OOSP4A: variants seen among roughly 807,000 people sequenced by gnomAD.
OOSP4A encodes the protein oocyte secreted protein family member 4A.
chr11:59,968,597 C>A (rs1247433588), intron 3 of OOSP4A, among the ~76,000 whole-genome samples: 1 of 152,104 alleles, frequency 6.6e-6, no homozygotes, highest in Non-Finnish European at 1.5e-5. Flanking sequence ...GAGAATATGC[C>A]CTTTCTGTCC....
chr11:59,964,647 A>G (rs1854078895), intron 1 of OOSP4A, among the ~76,000 whole-genome samples: 1 of 152,208 alleles, frequency 6.6e-6, no homozygotes, highest in Non-Finnish European at 1.5e-5. Context: ...TGGGATAATA[A>G]TAAAATTGAC....
intron 3 of OOSP4A, among the ~76,000 whole-genome samples, chr11:59,968,491 C>A (rs988048790): frequency 6.6e-6 from 1 of 152,200 alleles, no homozygotes; most frequent in Non-Finnish European, 1.5e-5. Flanking sequence ...GTCCCCTCTC[C>A]AGTTCACAGG....
chr11:59,969,909 A>G (rs1371584075), intron 4 of OOSP4A, 140 bp from the exon 5 acceptor site: 8 of 390,088 alleles, frequency 2.1e-5, no homozygotes, highest in Non-Finnish European at 3.6e-5. Context: ...TACTTGAATC[A>G]TTAGAATATT....
chr11:59,969,167 T>C (rs919099817), exon 4 of OOSP4A: 4 of 398,702 alleles, frequency 1.0e-5, no homozygotes, highest in East Asian at 3.6e-5. Context: ...CCAATAATCT[T>C]AGTAATGAGA....
At position 59,969,566 on chromosome 11, in the gene OOSP4A, A is replaced by G. The variant is rs991539301; in HGVS notation, c.479+282A>G. Among the ~76,000 whole-genome samples the G allele has an allele frequency of 3.3e-5, 5 of 152,226 alleles. No individual in the cohort carries two copies. The East Asian group carries it at 5.8e-4, about 18-fold the overall frequency. On this transcript the variant is annotated intron_variant, in intron 4 of 4. Coordinates refer to ENST00000645590, the Ensembl canonical transcript of OOSP4A. ...TAGAGAAAAACCATCTTTGGTGCAT[A>G]TAAGTATGGAATGGGATCATGGATT... is the stretch of plus-strand genomic sequence containing the variant.
intron 1 of OOSP4A, among the ~76,000 whole-genome samples, chr11:59,964,328 T>C (rs1177897852): frequency 1.3e-5 from 2 of 152,108 alleles, no homozygotes; most frequent in Non-Finnish European, 2.9e-5. Context: ...TGTTGTTTTT[T>C]ATTTTTTTTT....
At chr11:59,967,113 C>A (rs1409879640) in exon 3 of OOSP4A, 2 of 397,776 alleles carry the variant, frequency 5.0e-6, no homozygotes, top group East Asian at 3.6e-5. Context: ...GTATATGAAC[C>A]AACGAATTTT....
intron 3 of OOSP4A, 135 bp downstream of exon 3, chr11:59,967,299 G>A (rs912771425): frequency 2.0e-5 from 8 of 392,312 alleles, no homozygotes; most frequent in Admixed American, 4.4e-5. Flanking sequence ...TGTTCTGTTG[G>A]TCATGTGAGT....
rs571636687 is a variant in OOSP4A at position 59,969,141 on chromosome 11, C to G, written c.345-9C>G. 9.0e-5 allele frequency: 36 copies of G among 398,406 alleles called. No homozygotes were observed. The highest frequency in any genetic ancestry group is 6.6e-4 in the African/African-American group (32 of 48,672). The allele number at this position is 398,406 out of a possible 1,614,324, so 24.7% of individuals were successfully genotyped here. On this transcript the variant is annotated splice_polypyrimidine_tract_variant and intron_variant, in intron 3 of 4. Coordinates refer to ENST00000645590, the Ensembl canonical transcript of OOSP4A. The stretch of plus-strand genomic sequence containing the variant: ...ACAAAGCTTAAATATATTTTTTTCT[C>G]TTTTTCAGAAGGTTTCCAATAATCT...
At chr11:59,965,867 G>A (rs1854093395) in intron 2 of OOSP4A, among the ~76,000 whole-genome samples, 154 bp downstream of exon 2, 1 of 152,126 alleles carries the variant, frequency 6.6e-6, no homozygotes, top group African/African-American at 2.4e-5. Flanking sequence ...TTTGGATGTT[G>A]CTTCTATCTG....
chr11:59,965,587 G>A lies in OOSP4A; in HGVS notation c.120G>A (p.Pro40=), dbSNP rs1314852474. The A allele has an allele frequency of 3.5e-5, 14 of 398,482 alleles. No individual in the cohort carries two copies. In the South Asian group the frequency reaches 1.0e-3, roughly 29 times the overall value. The allele number at this position is 398,482 out of a possible 1,614,324, so 24.7% of individuals were successfully genotyped here. ...TCCAGGTCAAACTTAGACGAACGCC[G>A]CTGTTAAATGACCTGCAACCTTTGC... is the stretch of plus-strand genomic sequence containing the variant. The change falls in exon 2 of 5, where the codon CCG becomes CCA. Residue 40 remains proline (P), a synonymous_variant. Coordinates refer to ENST00000645590, the Ensembl canonical transcript of OOSP4A.
intron 3 of OOSP4A, among the ~76,000 whole-genome samples, chr11:59,967,977 T>C (rs1854118295): frequency 6.6e-6 from 1 of 152,180 alleles, no homozygotes; most frequent in Non-Finnish European, 1.5e-5. Flanking sequence ...CTACTTTTCT[T>C]ATTCATTAAC....
chr11:59,966,955 A>G (rs912716096), intron 2 of OOSP4A, 112 bp from the exon 3 acceptor site: 13 of 384,576 alleles, frequency 3.4e-5, no homozygotes, highest in Non-Finnish European at 5.5e-5. Flanking sequence ...TATTTCATAA[A>G]GTAAAAATAA....
chr11:59,969,672 A>G (rs1321993345), intron 4 of OOSP4A, among the ~76,000 whole-genome samples: 2 of 152,228 alleles, frequency 1.3e-5, no homozygotes, highest in African/African-American at 2.4e-5. Flanking sequence ...CAGCAAGAGA[A>G]AACTCAAATG....
intron 2 of OOSP4A, among the ~76,000 whole-genome samples, 167 bp from the exon 3 acceptor site, chr11:59,966,900 C>CT (rs1854105220): frequency 1.3e-5 from 2 of 152,200 alleles, no homozygotes; most frequent in South Asian, 4.1e-4. Context: ...ATTTTTATCA[C>CT]TTAGCTCTGC....
At chr11:59,969,725 G>C (rs547726912) in intron 4 of OOSP4A, among the ~76,000 whole-genome samples, 130 of 152,306 alleles carry the variant, frequency 8.5e-4, no homozygotes, top group African/African-American at 3.0e-3. Context: ...TTGGACTTTA[G>C]TATGCTAGAG....
chr11:59,969,785 C>T (rs1854137024), intron 4 of OOSP4A, among the ~76,000 whole-genome samples: 1 of 152,146 alleles, frequency 6.6e-6, no homozygotes. Context: ...TTCTAAACTT[C>T]AGATGGTGTC....
downstream of OOSP4A, chr11:59,970,163 AG>A (rs1249742185): frequency 5.0e-5 from 20 of 397,704 alleles, no homozygotes; most frequent in Admixed American, 3.1e-4. Context: ...TGGCTGCTTG[AG>A]GATTTCATTG....
intron 2 of OOSP4A, among the ~76,000 whole-genome samples, chr11:59,966,549 C>T (rs1418270549): frequency 1.3e-5 from 2 of 151,666 alleles, no homozygotes; most frequent in African/African-American, 4.9e-5. Flanking sequence ...AATCTCGGCT[C>T]ACTGCAACCT....
Sources: allele counts gnomAD v4.1 joint callset (sites outside exome capture counted in the v4.1 genomes callset), GRCh38; gene constraint gnomAD v4.1.1; transcripts MANE v1.5; gene names NCBI Gene and HGNC (gene_info 2026-07-23, HGNC 2026-07-21).